ZNF616: variants seen among roughly 807,000 people sequenced by gnomAD.
The protein encoded by ZNF616 is zinc finger protein 616.
Under a neutral mutation model 7.6 loss-of-function variants are expected in ZNF616, and 5 were observed. The observed-to-expected ratio is 0.66, with a 90% CI of 0.34 to 1.38. The LOEUF is 1.38. Ranked by LOEUF, ZNF616 falls within the 40% of genes most tolerant of loss-of-function variation. The pLI, the probability that ZNF616 is intolerant of heterozygous loss-of-function variation, is 0.04. For missense variants in ZNF616, 913 were observed against 948.3 expected (o/e 0.96, Z 0.49); for synonymous variants, 319 against 317.2 (o/e 1.01, Z -0.06).
chr19:52,136,716 C>T (rs2089012411), intron 1 of ZNF616, among the ~76,000 whole-genome samples: 2 of 152,052 alleles, frequency 1.3e-5, no homozygotes, highest in Admixed American at 6.6e-5. Flanking sequence ...ACAATGCAAT[C>T]CAGCAATCTC....
At chr19:52,126,783 A>T (rs1366275415) in intron 2 of ZNF616, among the ~76,000 whole-genome samples, 1 of 151,988 alleles carries the variant, frequency 6.6e-6, no homozygotes, top group Non-Finnish European at 1.5e-5. Flanking sequence ...AATAAATAAT[A>T]AATAATTAAA....
rs2088797794 is a variant in ZNF616 at position 52,114,618 on chromosome 19, T to C, written c.*200A>G. On this transcript the variant is annotated 3_prime_UTR_variant, in exon 4 of 4. Coordinates refer to ENST00000600228, the MANE Select transcript of ZNF616 (RefSeq NM_178523.5). The stretch of plus-strand genomic sequence containing the variant: ...GCCAGACCTCAAGAGAAGTCACTAT[T>C]GCCAGGACAGCACCAAGGGGATGAC... 6.8e-6 allele frequency: 4 copies of C among 589,496 alleles called. No homozygotes were observed. The East Asian group carries it at 1.2e-4, about 18-fold the overall frequency. The allele number at this position is 589,496 out of a possible 1,614,324, so 36.5% of individuals were successfully genotyped here.
At chr19:52,121,903 A>T (rs962877113) in intron 3 of ZNF616, among the ~76,000 whole-genome samples, 5 of 152,122 alleles carry the variant, frequency 3.3e-5, no homozygotes, top group African/African-American at 9.7e-5. Context: ...TAATTTTTTA[A>T]AAAAAATTTA....
intron 1 of ZNF616, among the ~76,000 whole-genome samples, chr19:52,137,592 G>A (rs529919453): frequency 1.3e-5 from 2 of 152,084 alleles, no homozygotes; most frequent in East Asian, 1.9e-4. Flanking sequence ...GTAATAAGGC[G>A]GAACAGTTGT....
chr19:52,133,011 T>C (rs1362220626), intron 1 of ZNF616, among the ~76,000 whole-genome samples: 1 of 152,038 alleles, frequency 6.6e-6, no homozygotes, highest in Non-Finnish European at 1.5e-5. Flanking sequence ...AGAAAGCTCC[T>C]GACAGGAAAA....
At chr19:52,127,073 A>G (rs1371729454) in intron 2 of ZNF616, among the ~76,000 whole-genome samples, 2 of 150,166 alleles carry the variant, frequency 1.3e-5, no homozygotes, top group South Asian at 2.1e-4. Context: ...TTTTTTTTTT[A>G]GAAGACAGAG....
At position 52,114,353 on chromosome 19, in the gene ZNF616, G is replaced by A. The variant is rs1401338120; in HGVS notation, c.*465C>T. ...AGGTATATTTACTGCATGTGTAAAT[G>A]TATTAGGTCATAACTGCATTGCTAC... On this transcript the variant is annotated 3_prime_UTR_variant, in exon 4 of 4. Coordinates refer to ENST00000600228, the MANE Select transcript of ZNF616 (RefSeq NM_178523.5). The A allele has an allele frequency of 6.4e-6, 1 of 155,946 alleles. No individual in the cohort carries two copies. The highest frequency in any genetic ancestry group is 2.4e-5 in the African/African-American group (1 of 41,426). The allele number at this position is 155,946 out of a possible 1,614,324, so 9.7% of individuals were successfully genotyped here. A position where few individuals can be genotyped will look rare whatever the true frequency, so the allele number is the denominator to read the frequency against.
chr19:52,132,793 T>C (rs2122170059), intron 1 of ZNF616, among the ~76,000 whole-genome samples: 1 of 152,322 alleles, frequency 6.6e-6, no homozygotes, highest in South Asian at 2.1e-4. Context: ...ACTCGGTCTC[T>C]GGAATTTTGT....
chr19:52,122,752 T>A (rs534320606), intron 3 of ZNF616, among the ~76,000 whole-genome samples: 30 of 151,656 alleles, frequency 2.0e-4, no homozygotes, highest in Middle Eastern at 6.9e-3. Flanking sequence ...CTCCTGCCTC[T>A]GCCTCCTGAG....
At chr19:52,123,890 G>C (rs780789620) in intron 3 of ZNF616, 33 bp downstream of exon 3, 1 of 1,612,970 alleles carries the variant, frequency 6.2e-7, no homozygotes, top group South Asian at 1.1e-5. Context: ...GCACAAGGGC[G>C]AATCTGAACT....
At chr19:52,122,887 GC>G (rs1481619442) in intron 3 of ZNF616, among the ~76,000 whole-genome samples, 5 of 152,076 alleles carry the variant, frequency 3.3e-5, no homozygotes, top group African/African-American at 1.2e-4. Context: ...ACCCGCCTCG[GC>G]CTCCCAAAGT....
intron 1 of ZNF616, among the ~76,000 whole-genome samples, chr19:52,137,809 A>T (rs1018525142): frequency 7.2e-5 from 11 of 152,254 alleles, no homozygotes; most frequent in African/African-American, 2.7e-4. Context: ...GAAATTAATG[A>T]CATCAGCTGA....
At position 52,113,970 on chromosome 19, in the gene ZNF616, G is replaced by C. The variant is rs1488666726; in HGVS notation, c.*848C>G. On this transcript the variant is annotated 3_prime_UTR_variant, in exon 4 of 4. Coordinates refer to ENST00000600228, the MANE Select transcript of ZNF616 (RefSeq NM_178523.5). ...ATACTCTTTCCATTTTGATGTTCGG[G>C]TAAAAACCTTAGCATGCACATTACA... The C allele has an allele frequency of 6.6e-6, 1 of 152,082 alleles. No individual in the cohort carries two copies. The highest frequency in any genetic ancestry group is 1.9e-4 in the East Asian group (1 of 5,188). The allele number at this position is 152,082 out of a possible 1,614,324, so 9.4% of individuals were successfully genotyped here.
At chr19:52,127,620 A>G (rs2088921127) in intron 2 of ZNF616, among the ~76,000 whole-genome samples, 1 of 152,220 alleles carries the variant, frequency 6.6e-6, no homozygotes, top group Non-Finnish European at 1.5e-5. Flanking sequence ...CAGGCCTTCC[A>G]AAGAAAGATC....
rs768252879 is a variant in ZNF616, at chr19:52,130,387, G to A, written c.12+114C>T. On this transcript the variant is annotated intron_variant, in intron 2 of 3. Transcript: ENST00000600228. Reference sequence around the variant, plus strand: ...TGAGCATGAGCAAATGTGTCAGGAAGGACACTTCAGACTCAGAGAAGATTT... The same window carrying A: ...TGAGCATGAGCAAATGTGTCAGGAAAGACACTTCAGACTCAGAGAAGATTT... The A allele has an allele frequency of 3.9e-5, 37 of 960,074 alleles. No individual in the cohort carries two copies. The Admixed American group carries it at 4.1e-4, about 11-fold the overall frequency. 59.5% of individuals were successfully genotyped at this position (960,074 alleles called of 1,614,324 possible).
rs79760240 is a variant in ZNF616, at chr19:52,133,990, CCT to C, written c.-76-3404_-76-3403del. On this transcript the variant is annotated intron_variant, in intron 1 of 3. Transcript: ENST00000600228. ...AATACGCAGTATTTGGTTTTCTGTC[CCT>C]GTGTTAGTTTGCCAAGGATAATCGC... Among the ~76,000 whole-genome samples, 969 of 152,112 alleles carry C rather than the reference CCT, an allele frequency of 6.4e-3. 3 individuals carry two copies. Among genetic ancestry groups the C allele is most frequent in the Middle Eastern group, 0.017 (5 of 294 alleles).
At chr19:52,123,784 G>A (rs562164852) in intron 3 of ZNF616, 139 bp downstream of exon 3, 1 of 976,468 alleles carries the variant, frequency 1.0e-6, no homozygotes, top group East Asian at 2.5e-5. Flanking sequence ...AAGGCCAGAT[G>A]CAGCATTGTG....
chr19:52,126,726 G>A (rs924950669), intron 2 of ZNF616, among the ~76,000 whole-genome samples: 12 of 151,910 alleles, frequency 7.9e-5, no homozygotes, highest in African/African-American at 2.7e-4. Context: ...TCGAGATCAT[G>A]CCACTGCACT....
At chr19:52,129,249 G>A (rs543917945) in intron 2 of ZNF616, among the ~76,000 whole-genome samples, 9 of 152,130 alleles carry the variant, frequency 5.9e-5, no homozygotes, top group East Asian at 1.9e-4. Context: ...ATTGTAGTCC[G>A]GCCTGGGTGA....
Sources: gnomAD v4.1 joint callset for allele counts (sites outside exome capture counted in the v4.1 genomes callset) on GRCh38, gnomAD v4.1.1 for gene constraint, MANE v1.5 for transcripts, NCBI Gene and HGNC (gene_info 2026-07-23, HGNC 2026-07-21) for gene names.